The following SMOC2 variants were observed in gnomAD, a reference collection of about 807,000 sequenced individuals.
SMOC2 encodes SPARC related modular calcium binding 2, also known as SPARC-related modular calcium-binding protein 2.
SMOC2 carries 39 observed loss-of-function variants against 61.4 expected under a neutral mutation model. The observed-to-expected ratio is 0.64, with a 90% confidence interval of 0.49 to 0.83. The LOEUF is 0.83. SMOC2 is among the 40% of genes least tolerant of loss of function. The probability of loss-of-function intolerance (pLI) is 0.00; values close to 1 mark genes in which losing one functional copy is unlikely to be tolerated. For synonymous variants in SMOC2, 247 were observed against 239.9 expected (o/e 1.03, Z -0.27); for missense variants, 556 against 592.9 (o/e 0.94, Z 0.65).
chr6:168,559,138 T>A (rs528255153), intron 7 of SMOC2, among the ~76,000 whole-genome samples: 1 of 152,346 alleles, frequency 6.6e-6, no homozygotes, highest in South Asian at 2.1e-4. Context: ...GTGAAATATC[T>A]CTTTTTGCCA....
chr6:168,480,759 C>A (rs1454942514), intron 1 of SMOC2, among the ~76,000 whole-genome samples: 4 of 151,966 alleles, frequency 2.6e-5, no homozygotes, highest in Non-Finnish European at 4.4e-5. Flanking sequence ...CTAAGAAAGT[C>A]ACACAGAGAC....
chr6:168,556,455 T>G, intron 7 of SMOC2, among the ~76,000 whole-genome samples: 1 of 152,206 alleles, frequency 6.6e-6, no homozygotes, highest in African/African-American at 2.4e-5. Flanking sequence ...CCTCGCAGAC[T>G]GTGCGGGCCC....
At chr6:168,568,021 G>C (rs1465369406) in intron 7 of SMOC2, among the ~76,000 whole-genome samples, 1 of 150,460 alleles carries the variant, frequency 6.6e-6, no homozygotes, top group South Asian at 2.1e-4. Flanking sequence ...TTAGAATTTA[G>C]TGCATCTTCT....
intron 1 of SMOC2, among the ~76,000 whole-genome samples, chr6:168,465,487 A>G (rs1230552201): frequency 6.6e-6 from 1 of 152,070 alleles, no homozygotes; most frequent in Admixed American, 6.5e-5. Flanking sequence ...AAAAGAAAAA[A>G]GAAAGACTTT....
intron 11 of SMOC2, among the ~76,000 whole-genome samples, chr6:168,659,690 TAGGGTGAGGG>T (rs1787442669): frequency 1.1e-4 from 6 of 52,926 alleles, no homozygotes; most frequent in African/African-American, 1.7e-4. Context: ...AGGTTGTAGG[TAGGGTGAGGG>T]TGGAGGTTGT....
chr6:168,617,906 C>T (rs1012721147), intron 9 of SMOC2, among the ~76,000 whole-genome samples: 1 of 152,142 alleles, frequency 6.6e-6, no homozygotes, highest in African/African-American at 2.4e-5. Flanking sequence ...GCGTCCAGCG[C>T]CTCGCTGAGG....
intron 9 of SMOC2, among the ~76,000 whole-genome samples, chr6:168,618,209 G>A (rs1309803048): frequency 1.3e-5 from 2 of 152,224 alleles, no homozygotes; most frequent in South Asian, 2.1e-4. Flanking sequence ...CGAGGCCTCC[G>A]TGCTCCATTT....
chr6:168,519,257 G>A lies in SMOC2; in HGVS notation c.257-7089G>A, dbSNP rs554254404. Among the ~76,000 whole-genome samples the A allele has an allele frequency of 1.4e-4, 21 of 151,598 alleles. No homozygotes were observed. In the South Asian group the frequency reaches 4.0e-3, roughly 29 times the overall value. ...CGTGCATGTTTGTGTGTTCATGTGC[G>A]TGCGTGCATGTGTGAGTGAGCATTA... is the stretch of plus-strand genomic sequence containing the variant. On this transcript the variant is annotated intron_variant, in intron 2 of 12. Transcript: ENST00000356284.
chr6:168,468,091 C>T (rs952243024), intron 1 of SMOC2, among the ~76,000 whole-genome samples: 1 of 152,138 alleles, frequency 6.6e-6, no homozygotes, highest in Non-Finnish European at 1.5e-5. Flanking sequence ...CAGGGGGGCT[C>T]TGAGGTTTGT....
intron 9 of SMOC2, among the ~76,000 whole-genome samples, chr6:168,611,728 C>T (rs1375153398): frequency 2.6e-5 from 4 of 151,480 alleles, no homozygotes; most frequent in African/African-American, 9.7e-5. Flanking sequence ...CCGTGTCGGG[C>T]CTGGCTGTGG....
intron 1 of SMOC2, among the ~76,000 whole-genome samples, chr6:168,463,744 AG>A (rs141895120): frequency 0.042 from 6,401 of 152,196 alleles, 391 homozygotes; most frequent in African/African-American, 0.14. Context: ...TCCTCTCCAG[AG>A]GCAAGGTGCA....
At chr6:168,626,760 G>T (rs1263709785) in intron 9 of SMOC2, among the ~76,000 whole-genome samples, 1 of 152,210 alleles carries the variant, frequency 6.6e-6, no homozygotes, top group Non-Finnish European at 1.5e-5. Flanking sequence ...CCAGGAAGTG[G>T]CATCACTCAG....
intron 9 of SMOC2, among the ~76,000 whole-genome samples, chr6:168,612,850 C>T (rs778901048): frequency 2.6e-5 from 4 of 152,188 alleles, no homozygotes; most frequent in East Asian, 1.9e-4. Flanking sequence ...CAGGCCCAGT[C>T]GCCGGCAGGT....
chr6:168,495,261 C>T (rs1432729137), intron 1 of SMOC2, among the ~76,000 whole-genome samples: 1 of 152,158 alleles, frequency 6.6e-6, no homozygotes, highest in Non-Finnish European at 1.5e-5. Flanking sequence ...AGGTGTAGGT[C>T]CCTCTGCGGG....
At chr6:168,476,533 T>C (rs1440849673) in intron 1 of SMOC2, among the ~76,000 whole-genome samples, 1 of 151,962 alleles carries the variant, frequency 6.6e-6, no homozygotes, top group African/African-American at 2.4e-5. Context: ...GGGGTCATAT[T>C]CTATATTTGT....
chr6:168,534,980 T>C (rs2115086982), intron 4 of SMOC2, among the ~76,000 whole-genome samples: 1 of 152,218 alleles, frequency 6.6e-6, no homozygotes, highest in East Asian at 1.9e-4. Context: ...TATTTATTTA[T>C]TTATTTTTGA....
intron 1 of SMOC2, among the ~76,000 whole-genome samples, chr6:168,492,580 CG>C (rs1562554314): frequency 6.6e-6 from 1 of 152,182 alleles, no homozygotes; most frequent in African/African-American, 2.4e-5. Context: ...GCATCTGTTA[CG>C]AATTTCATAG....
Position 168,585,160 on chromosome 6 carries a change from T to C in SMOC2, c.638-13658T>C, listed in dbSNP as rs903741206. The stretch of plus-strand genomic sequence containing the variant: ...TTTTTGCAGTCACGGGGTTTTGCTA[T>C]GTTGCCCAGGCTGACATCAAACCCC... On this transcript the variant is annotated intron_variant, in intron 7 of 12. Transcript: ENST00000356284. Among the ~76,000 whole-genome samples, 3 of 152,168 alleles carry C rather than the reference T, an allele frequency of 2.0e-5. No individual in the cohort carries two copies. The East Asian group carries it at 5.8e-4, about 29-fold the overall frequency.
At chr6:168,483,909 C>A (rs993069920) in intron 1 of SMOC2, among the ~76,000 whole-genome samples, 5 of 152,100 alleles carry the variant, frequency 3.3e-5, no homozygotes, top group African/African-American at 1.2e-4. Flanking sequence ...TGATATTGGA[C>A]CTTTGCCTAA....
Sources: gnomAD v4.1 joint callset for allele counts (sites outside exome capture counted in the v4.1 genomes callset) on GRCh38, gnomAD v4.1.1 for gene constraint, MANE v1.5 for transcripts, NCBI Gene and HGNC (gene_info 2026-07-23, HGNC 2026-07-21) for gene names.